KL: variants seen among roughly 807,000 people sequenced by gnomAD.
KL encodes alpha-klotho.
A neutral mutation model predicts 84.2 loss-of-function variants in KL; 62 were observed. The observed-to-expected ratio is 0.74, with a 90% CI of 0.60 to 0.91. KL has a LOEUF of 0.91. Among genes scored for constraint, KL ranks in the 40% least tolerant of loss-of-function variants. The pLI, the probability that KL is intolerant of heterozygous loss-of-function variation, is 0.00. For missense variants in KL, 1,261 were observed against 1,305.7 expected, an observed-to-expected ratio of 0.97 and a Z score of 0.53; for synonymous variants, 528 against 528.0, an observed-to-expected ratio of 1.00 and a Z score of 0.00.
chr13:33,044,165 G>A (rs1278662455), intron 1 of KL, among the ~76,000 whole-genome samples: 1 of 152,106 alleles, frequency 6.6e-6, no homozygotes, highest in Non-Finnish European at 1.5e-5. Flanking sequence ...GGAATTTTCT[G>A]TTCTGCTCCT....
intron 1 of KL, among the ~76,000 whole-genome samples, chr13:33,017,858 T>G (rs536313387): frequency 6.6e-6 from 1 of 152,342 alleles, no homozygotes; most frequent in African/African-American, 2.4e-5. Flanking sequence ...GACCGCTTTA[T>G]ACAATCTCAA....
At chr13:33,019,826 G>T (rs974941244) in intron 1 of KL, among the ~76,000 whole-genome samples, 1 of 151,974 alleles carries the variant, frequency 6.6e-6, no homozygotes, top group African/African-American at 2.4e-5. Context: ...CCTACAAAGA[G>T]CTTGGAGCTC....
chr13:33,061,471 C>T lies in KL; in HGVS notation c.2392C>T (p.Gln798Ter), dbSNP rs766318960. 3.1e-6 allele frequency: 5 copies of T among 1,614,024 alleles called. No homozygotes were observed. The highest frequency in any genetic ancestry group is 4.2e-6 in the Non-Finnish European group (5 of 1,180,018). The change falls in exon 4 of 5, where the codon CAG becomes TAG. Residue 798 changes from glutamine (Q) to a stop codon, truncating the protein, a stop_gained. Transcript: ENST00000380099. LOFTEE classifies it high-confidence loss of function. ...CACTGAAGATGAAAAAAAGCTAATC[C>T]AGGGTACCTTTGACTTTTTGGCTTT... ...YFTEDEKKLI[Q>*]GTFDFLALSH...
chr13:33,029,931 C>G (rs1487038292), intron 1 of KL, among the ~76,000 whole-genome samples: 1 of 121,722 alleles, frequency 8.2e-6, no homozygotes, highest in Non-Finnish European at 1.9e-5. Context: ...CCGCGCCTGG[C>G]CCTATTTTTT....
At position 33,063,721 on chromosome 13, in the gene KL, G is replaced by T. The variant is rs1872296773; in HGVS notation, c.2702-128G>T. 4 of 836,846 alleles carry T rather than the reference G, an allele frequency of 4.8e-6. No homozygotes were observed. The African/African-American group carries it at 6.7e-5, about 14-fold the overall frequency. The allele number at this position is 836,846 out of a possible 1,614,324, so 51.8% of individuals were successfully genotyped here. A position where few individuals can be genotyped will look rare whatever the true frequency, so the allele number is the denominator to read the frequency against. ...GAACCTGGGAGGCGGAGGTTGCAGT[G>T]AGTCAAGATGGTGCCATTGCACTCC... On this transcript the variant is annotated intron_variant, in intron 4 of 4. Coordinates refer to ENST00000380099, the MANE Select transcript of KL (RefSeq NM_004795.4).
Position 33,060,825 on chromosome 13 carries a change from C to A in KL, c.1746C>A (p.Ile582=). The change falls in exon 4 of 5, where the codon ATC becomes ATA. Residue 582 remains isoleucine (I), a synonymous_variant. Coordinates refer to ENST00000380099, the MANE Select transcript of KL (RefSeq NM_004795.4). ...ACTTTGCTGCCATCCAGCCCCAGATCGCTTTACTCCAGGAAATGCACGTTA... is the reference window on the plus strand; with the variant it reads ...ACTTTGCTGCCATCCAGCCCCAGATAGCTTTACTCCAGGAAATGCACGTTA... The part of the protein sequence containing the change: ...CVDFAAIQPQ[I]ALLQEMHVTH... 1 of 1,614,200 alleles carries A rather than the reference C, an allele frequency of 6.2e-7. No homozygotes were observed. The highest frequency in any genetic ancestry group is 8.5e-7 in the Non-Finnish European group (1 of 1,180,020).
Position 33,061,149 on chromosome 13 carries a change from G to C in KL, c.2070G>C (p.Pro690=), listed in dbSNP as rs762783359. Residue 690 remains proline, a synonymous_variant, in exon 4 of 5, where the codon CCG becomes CCC. Coordinates refer to ENST00000380099, the MANE Select transcript of KL (RefSeq NM_004795.4). ...HVKLWITMNE[P]YTRNMTYSAG... is the part of the protein sequence containing the mutation. Reference sequence around the variant, plus strand: ...AGCTTTGGATAACGATGAATGAGCCGTATACAAGGAATATGACATACAGTG... The same window carrying C: ...AGCTTTGGATAACGATGAATGAGCCCTATACAAGGAATATGACATACAGTG... 12 of 1,614,118 alleles carry C rather than the reference G, an allele frequency of 7.4e-6. No individual in the cohort carries two copies. The highest frequency in any genetic ancestry group is 1.0e-5 in the Non-Finnish European group (12 of 1,180,060).
At chr13:33,055,843 C>T (rs2516570) in intron 3 of KL, among the ~76,000 whole-genome samples, 148,532 of 152,358 alleles carry the variant, frequency 0.97, 72,519 homozygotes, top group East Asian at 1. Flanking sequence ...TGAAATGATA[C>T]GAAATTTCTT....
chr13:33,054,046 T>G lies in KL; in HGVS notation c.1099T>G (p.Phe367Val), dbSNP rs761383989. 3.1e-6 allele frequency: 5 copies of G among 1,612,962 alleles called. No homozygotes were observed. The highest frequency in any genetic ancestry group is 4.2e-6 in the Non-Finnish European group (5 of 1,179,120). ...GTTCATCAAAGGAACTGCTGACTTT[T>G]TTGCTCTTTGCTTTGGACCCACCTT... ...KKFIKGTADF[F>V]ALCFGPTLSF... The change falls in exon 2 of 5, where the codon TTT becomes GTT. Residue 367 changes from phenylalanine to valine, a missense_variant. Transcript: ENST00000380099.
At chr13:33,058,843 C>T (rs1429226842) in intron 3 of KL, among the ~76,000 whole-genome samples, 3 of 152,070 alleles carry the variant, frequency 2.0e-5, no homozygotes, top group Non-Finnish European at 2.9e-5. Context: ...AAAGAGCGTG[C>T]AAATATTCTG....
At position 33,053,895 on chromosome 13, in the gene KL, T is replaced by C; in HGVS notation, c.948T>C (p.Cys316=). Reference sequence around the variant, plus strand: ...TGACCGACCACAGCATCAAAGAATGTCAAAAATCTCTGGACTTTGTACTAG... The same window carrying C: ...TGACCGACCACAGCATCAAAGAATGCCAAAAATCTCTGGACTTTGTACTAG... ...RRMTDHSIKE[C]QKSLDFVLGW... The change falls in exon 2 of 5, where the codon TGT becomes TGC. Residue 316 remains cysteine, a synonymous_variant. Coordinates refer to ENST00000380099, the MANE Select transcript of KL (RefSeq NM_004795.4). 1 of 1,614,178 alleles carries C rather than the reference T, an allele frequency of 6.2e-7. No homozygotes were observed. The highest frequency in any genetic ancestry group is 1.1e-5 in the South Asian group (1 of 91,076).
chr13:33,033,498 G>A (rs995832041), intron 1 of KL, among the ~76,000 whole-genome samples: 6 of 152,076 alleles, frequency 3.9e-5, no homozygotes, highest in African/African-American at 1.4e-4. Context: ...CAGCCACACT[G>A]AAGGTCTTGC....
chr13:33,019,738 A>T (rs139639351), intron 1 of KL, among the ~76,000 whole-genome samples: 1,744 of 126,556 alleles, frequency 0.014, 41 homozygotes, highest in African/African-American at 0.044. Flanking sequence ...TGTGTGAGAG[A>T]GAGAGAGAGA....
chr13:33,039,783 G>A (rs143181256), intron 1 of KL, among the ~76,000 whole-genome samples: 2 of 152,318 alleles, frequency 1.3e-5, no homozygotes, highest in African/African-American at 2.4e-5. Context: ...GGCATCCAAC[G>A]TAGGTACAGC....
chr13:33,036,390 G>GCACACACACCA (rs1250048648), intron 1 of KL, among the ~76,000 whole-genome samples: 8 of 149,886 alleles, frequency 5.3e-5, no homozygotes, highest in African/African-American at 2.0e-4. Flanking sequence ...CCACACACAT[G>GCACACACACCA]CACACACACC....
chr13:33,031,920 C>CT (rs143363050), intron 1 of KL, among the ~76,000 whole-genome samples: 2,920 of 151,238 alleles, frequency 0.019, 105 homozygotes, highest in African/African-American at 0.065. Flanking sequence ...TTCTAGAGTC[C>CT]TTTTTTTTTG....
At chr13:33,020,226 C>T (rs1196183616) in intron 1 of KL, among the ~76,000 whole-genome samples, 1 of 152,194 alleles carries the variant, frequency 6.6e-6, no homozygotes, top group Non-Finnish European at 1.5e-5. Flanking sequence ...GCCCATCTGT[C>T]TGCAATGTTT....
chr13:33,033,844 GTTT>G (rs777957232), intron 1 of KL, among the ~76,000 whole-genome samples: 7 of 151,284 alleles, frequency 4.6e-5, no homozygotes, highest in Non-Finnish European at 1.0e-4. Context: ...TATTGGGCTT[GTTT>G]TTTTAGCTTC....
intron 3 of KL, 120 bp from the exon 4 acceptor site, chr13:33,060,559 C>G: frequency 1.8e-6 from 2 of 1,106,710 alleles, no homozygotes; most frequent in South Asian, 2.6e-5. Context: ...AGTTCACATT[C>G]TCAGCTAGAA....
Sources: allele counts gnomAD v4.1 joint callset (sites outside exome capture counted in the v4.1 genomes callset), GRCh38; gene constraint gnomAD v4.1.1; transcripts MANE v1.5; gene names NCBI Gene and HGNC (gene_info 2026-07-23, HGNC 2026-07-21).